Variants in CGREF1 observed in about 807,000 individuals in gnomAD.
CGREF1 encodes cell growth regulator with EF-hand domain 1.
Under a neutral mutation model 17.4 loss-of-function variants are expected in CGREF1, and 16 were observed. The observed-to-expected ratio is 0.92, with a 90% CI of 0.62 to 1.40. CGREF1 has a LOEUF of 1.40. CGREF1 is among the 40% of genes most tolerant of loss of function. The pLI is 0.00. For synonymous variants in CGREF1, 142 were observed against 154.6 expected, an observed-to-expected ratio of 0.92 and a Z score of 0.61; for missense variants, 296 against 376.4, an observed-to-expected ratio of 0.79 and a Z score of 1.77.
intron 1 of CGREF1, among the ~76,000 whole-genome samples, chr2:27,116,871 TTCTCTC>T (rs537582075): frequency 0.044 from 1,493 of 33,664 alleles, 45 homozygotes; most frequent in East Asian, 0.083. Flanking sequence ...GCCAGGCCTA[TTCTCTC>T]TCTCTCTCTC....
rs1457766787 is a variant in CGREF1 at position 27,101,594 on chromosome 2, C to T, written c.637G>A (p.Glu213Lys). Residue 213 changes from glutamate to lysine, a missense_variant, in exon 6 of 6, where the codon GAG becomes AAG. Physicochemically the swap from Glu to Lys is moderately conservative, Grantham distance 56 (BLOSUM62 1). Coordinates refer to ENST00000402394, the MANE Select transcript of CGREF1 (RefSeq NM_006569.6). ...GGCCCTGGAACATCTCCATCAGCCTCTGCCTGGCCCCCAGGCTCCTGGACA... is the reference window on the plus strand; with the variant it reads ...GGCCCTGGAACATCTCCATCAGCCTTTGCCTGGCCCCCAGGCTCCTGGACA... ...DPVQEPGGQA[E>K]ADGDVPGPRG... The T allele has an allele frequency of 1.9e-6, 3 of 1,613,882 alleles. No homozygotes were observed. Among genetic ancestry groups the T allele is most frequent in the Middle Eastern group, 1.6e-4 (1 of 6,084 alleles).
chr2:27,110,270 C>T (rs1025910109), intron 1 of CGREF1, among the ~76,000 whole-genome samples: 21 of 151,998 alleles, frequency 1.4e-4, no homozygotes, highest in Non-Finnish European at 2.9e-4. Flanking sequence ...GGTGTGGTGA[C>T]ATACATCTGT....
At chr2:27,116,871 T>TTCTCTCTCCCTCTC (rs1671586898) in intron 1 of CGREF1, among the ~76,000 whole-genome samples, 1 of 33,680 alleles carries the variant, frequency 3.0e-5, no homozygotes, top group Non-Finnish European at 5.9e-5. Context: ...GCCAGGCCTA[T>TTCTCTCTCCCTCTC]TCTCTCTCTC....
chr2:27,116,919 CTCTCT>C (rs1419932323), intron 1 of CGREF1, among the ~76,000 whole-genome samples: 3 of 68,924 alleles, frequency 4.4e-5, no homozygotes, highest in African/African-American at 2.2e-4. Context: ...CTCTCTCTCT[CTCTCT>C]TTTTTTGAGA....
At position 27,102,353 on chromosome 2, in the gene CGREF1, C is replaced by T. The variant is rs1336614655; in HGVS notation, c.217+7G>A. The stretch of plus-strand genomic sequence containing the variant: ...CCGTCCCTGGCCCCATCAGCCCAGC[C>T]CCTCACCCTGCTCCCGGCTCAGATG... On this transcript the variant is annotated splice_region_variant and intron_variant, in intron 4 of 5. Coordinates refer to ENST00000402394, the MANE Select transcript of CGREF1 (RefSeq NM_006569.6). 3 of 1,614,038 alleles carry T rather than the reference C, an allele frequency of 1.9e-6. No homozygotes were observed. The African/African-American group carries it at 4.0e-5, about 22-fold the overall frequency.
intron 2 of CGREF1, among the ~76,000 whole-genome samples, chr2:27,103,851 C>T (rs1301910743): frequency 3.9e-5 from 6 of 151,996 alleles, no homozygotes; most frequent in African/African-American, 9.7e-5. Flanking sequence ...AGCATGGTGG[C>T]GGGCGCCTGT....
Position 27,104,355 on chromosome 2 carries a change from C to T in CGREF1, c.12G>A (p.Leu4=), listed in dbSNP as rs1291437766. MLP[L]TMTVLILLLL... is the part of the protein sequence containing the mutation. ...GCAGCAGGATTAACACTGTCATCGT[C>T]AAAGGTAACATCCTTCCTGGAACTG... Residue 4 remains leucine, a synonymous_variant, in exon 2 of 6, where the codon TTG becomes TTA. Coordinates refer to ENST00000402394, the MANE Select transcript of CGREF1 (RefSeq NM_006569.6). The T allele has an allele frequency of 2.2e-5, 35 of 1,611,410 alleles. No homozygotes were observed. Among genetic ancestry groups the T allele is most frequent in the Non-Finnish European group, 3.0e-5 (35 of 1,178,672 alleles).
intron 2 of CGREF1, 35 bp downstream of exon 2, chr2:27,104,252 C>A (rs750283711): frequency 5.9e-6 from 9 of 1,522,866 alleles, no homozygotes; most frequent in Admixed American, 2.2e-5. Flanking sequence ...TTTCCCTCCT[C>A]CCAGCCCTTG....
At chr2:27,099,509 C>T (rs1670651727), downstream of CGREF1, 1 of 1,614,028 alleles carries the variant, frequency 6.2e-7, no homozygotes, top group African/African-American at 1.3e-5. Flanking sequence ...TTCCCGCCAC[C>T]CCGCGTGGTG....
In CGREF1 at chr2:27,104,401, G is replaced by A. The variant is rs368276969; in HGVS notation, c.-11-24C>T. 17 of 1,612,552 alleles carry A rather than the reference G, an allele frequency of 1.1e-5. No individual in the cohort carries two copies. In the East Asian group the frequency reaches 1.6e-4, roughly 15 times the overall value. ...AACTGGAACAAGGAAGAGAATCAGG[G>A]GTCGGGGGAAAGAGGCGTCTGCCAC... is the stretch of plus-strand genomic sequence containing the variant. On this transcript the variant is annotated intron_variant, in intron 1 of 5. Coordinates refer to ENST00000402394, the MANE Select transcript of CGREF1 (RefSeq NM_006569.6).
Position 27,100,863 on chromosome 2 carries a change from G to C in CGREF1, c.*411C>G. 1 of 1,091,828 alleles carries C rather than the reference G, an allele frequency of 9.2e-7. No homozygotes were observed. Among genetic ancestry groups the C allele is most frequent in the East Asian group, 7.6e-5 (1 of 13,094 alleles). The allele number at this position is 1,091,828 out of a possible 1,614,324, so 67.6% of individuals were successfully genotyped here. A position where few individuals can be genotyped will look rare whatever the true frequency, so the allele number is the denominator to read the frequency against. Reference sequence around the variant, plus strand: ...ATGGGGTGTCTGAACACCAGGTGAGGGGGAACCGGTGAGGGTTTGGGGCCC... The same window carrying C: ...ATGGGGTGTCTGAACACCAGGTGAGCGGGAACCGGTGAGGGTTTGGGGCCC... On this transcript the variant is annotated 3_prime_UTR_variant, in exon 6 of 6. Transcript: ENST00000402394.
chr2:27,103,179 G>T, intron 2 of CGREF1: 3 of 916,142 alleles, frequency 3.3e-6, no homozygotes, highest in Non-Finnish European at 3.9e-6. Context: ...ATCCAGACCT[G>T]TGATGCCAGA....
chr2:27,100,621 TG>T lies in CGREF1; in HGVS notation c.*652del, dbSNP rs1670763920. 7.6e-6 allele frequency: 9 copies of T among 1,184,830 alleles called. No homozygotes were observed. In the South Asian group the frequency reaches 1.2e-4, roughly 16 times the overall value. 73.4% of individuals were successfully genotyped at this position (1,184,830 alleles called of 1,614,324 possible). A position where few individuals can be genotyped will look rare whatever the true frequency, so the allele number is the denominator to read the frequency against. ...GATTAAAATCTGCCATTTAATTAGC[TG>T]CATATCACCTTAGGGTACAGCACTT... On this transcript the variant is annotated 3_prime_UTR_variant, in exon 6 of 6. Transcript: ENST00000402394.
At chr2:27,116,909 CTCTCTCTCTCTCTCTT>C (rs1671601195) in intron 1 of CGREF1, among the ~76,000 whole-genome samples, 1 of 103,950 alleles carries the variant, frequency 9.6e-6, no homozygotes, top group East Asian at 2.5e-4. Flanking sequence ...CTCTCTCTCT[CTCTCTCTCTCTCTCTT>C]TTTTTGAGAC....
chr2:27,104,571 C>T, intron 1 of CGREF1, 194 bp from the exon 2 acceptor site: 3 of 1,550,630 alleles, frequency 1.9e-6, no homozygotes, highest in South Asian at 1.2e-5. Context: ...AAATGTCACT[C>T]CAGCTCTTGT....
Position 27,100,656 on chromosome 2 carries a change from C to T in CGREF1, c.*618G>A. The T allele has an allele frequency of 9.4e-7, 1 of 1,068,128 alleles. No homozygotes were observed. Among genetic ancestry groups the T allele is most frequent in the Non-Finnish European group, 1.2e-6 (1 of 823,514 alleles). 66.2% of individuals were successfully genotyped at this position (1,068,128 alleles called of 1,614,324 possible). A position where few individuals can be genotyped will look rare whatever the true frequency, so the allele number is the denominator to read the frequency against. Reference sequence around the variant, plus strand: ...CTTAGGGTACAGCACTTAACGCAATCTGCCTCAATTTCTTCATCTGTCAAA... The same window carrying T: ...CTTAGGGTACAGCACTTAACGCAATTTGCCTCAATTTCTTCATCTGTCAAA... On this transcript the variant is annotated 3_prime_UTR_variant, in exon 6 of 6. Coordinates refer to ENST00000402394, the MANE Select transcript of CGREF1 (RefSeq NM_006569.6).
chr2:27,116,860 G>A (rs75242426), intron 1 of CGREF1, among the ~76,000 whole-genome samples: 1 of 77,410 alleles, frequency 1.3e-5, no homozygotes, highest in Non-Finnish European at 2.9e-5. Flanking sequence ...TGAGCCACCA[G>A]GCCAGGCCTA....
chr2:27,108,240 G>A (rs1671212375), intron 1 of CGREF1, among the ~76,000 whole-genome samples: 1 of 152,114 alleles, frequency 6.6e-6, no homozygotes, highest in African/African-American at 2.4e-5. Context: ...GAGCGACAGA[G>A]TGAGACTGTC....
intron 1 of CGREF1, chr2:27,110,696 T>TA (rs1465695641): frequency 6.3e-6 from 1 of 159,582 alleles, no homozygotes; most frequent in Non-Finnish European, 1.4e-5. Flanking sequence ...GTGTCCGGAA[T>TA]TGGTGGGTTC....
Sources: allele counts gnomAD v4.1 joint callset (sites outside exome capture counted in the v4.1 genomes callset), GRCh38; gene constraint gnomAD v4.1.1; transcripts MANE v1.5; gene names NCBI Gene and HGNC (gene_info 2026-07-23, HGNC 2026-07-21).